The following LINGO2 variants were observed in gnomAD, a reference collection of about 807,000 sequenced individuals.
The protein encoded by LINGO2 is leucine-rich repeat and immunoglobulin-like domain-containing nogo receptor-interacting protein 2.
In LINGO2, 14 loss-of-function variants were observed where a neutral mutation model predicts 30.6. The observed-to-expected ratio is 0.46, with a 90% confidence interval of 0.30 to 0.72. The LOEUF is 0.72. LINGO2 is among the 30% of genes least tolerant of loss of function. The pLI, the probability that LINGO2 is intolerant of heterozygous loss-of-function variation, is 0.07. For missense variants in LINGO2, 729 were observed against 751.7 expected, an observed-to-expected ratio of 0.97 and a Z score of 0.35; for synonymous variants, 317 against 288.5, an observed-to-expected ratio of 1.10 and a Z score of -1.00.
intron 2 of LINGO2, among the ~76,000 whole-genome samples, chr9:28,423,401 C>T (rs74643273): frequency 0.017 from 2,549 of 152,108 alleles, 25 homozygotes; most frequent in Non-Finnish European, 0.027. Flanking sequence ...AGTTAATCAT[C>T]AATAACCTAA....
chr9:29,036,706 C>CT, the LINGO2 span, among the ~76,000 whole-genome samples: 6 of 151,870 alleles, frequency 4.0e-5, no homozygotes, highest in Non-Finnish European at 7.4e-5. Flanking sequence ...AAAAATATGC[C>CT]TTTTTATTTA....
At chr9:28,785,569 T>C in the LINGO2 span, among the ~76,000 whole-genome samples, 3 of 152,164 alleles carry the variant, frequency 2.0e-5, no homozygotes, top group African/African-American at 7.2e-5. Flanking sequence ...TTTACTGCGA[T>C]ATTTGCAGCC....
the LINGO2 span, among the ~76,000 whole-genome samples, chr9:28,688,199 C>A: frequency 6.6e-6 from 1 of 152,124 alleles, no homozygotes; most frequent in Non-Finnish European, 1.5e-5. Flanking sequence ...GGGTATATCA[C>A]AATGACCCCA....
At chr9:28,995,334 C>G in the LINGO2 span, among the ~76,000 whole-genome samples, 1 of 152,168 alleles carries the variant, frequency 6.6e-6, no homozygotes, top group Non-Finnish European at 1.5e-5. Flanking sequence ...CATCTCACAC[C>G]AGTTACAATG....
intron 3 of LINGO2, among the ~76,000 whole-genome samples, chr9:28,320,947 C>A (rs557146374): frequency 6.6e-6 from 1 of 152,284 alleles, no homozygotes; most frequent in Non-Finnish European, 1.5e-5. Context: ...GTCTGATTGA[C>A]AGCATCAGTA....
intron 4 of LINGO2, among the ~76,000 whole-genome samples, chr9:28,252,751 AT>A (rs1192763515): frequency 5.3e-5 from 8 of 152,118 alleles, no homozygotes; most frequent in Non-Finnish European, 8.8e-5. Flanking sequence ...CTTTATACCA[AT>A]AAGGAAATTA....
intron 3 of LINGO2, among the ~76,000 whole-genome samples, chr9:28,347,679 T>G (rs1338170559): frequency 6.6e-6 from 1 of 152,194 alleles, no homozygotes; most frequent in Non-Finnish European, 1.5e-5. Flanking sequence ...AATCTTAATC[T>G]CCAGACTCCA....
the LINGO2 span, among the ~76,000 whole-genome samples, chr9:28,949,343 A>C: frequency 6.6e-6 from 1 of 152,272 alleles, no homozygotes. Flanking sequence ...AGATTAACAA[A>C]ATAGATAGAA....
intron 1 of LINGO2, among the ~76,000 whole-genome samples, chr9:28,634,806 A>G (rs1431103938): frequency 1.3e-5 from 2 of 152,172 alleles, no homozygotes. Context: ...CAACCAAAGT[A>G]ACATGGGAGG....
chr9:27,975,574 T>C (rs928222120), intron 5 of LINGO2, among the ~76,000 whole-genome samples: 1 of 152,126 alleles, frequency 6.6e-6, no homozygotes, highest in African/African-American at 2.4e-5. Context: ...CACACACAAG[T>C]ACCTGGACCC....
At chr9:28,763,655 G>C in the LINGO2 span, among the ~76,000 whole-genome samples, 2 of 151,454 alleles carry the variant, frequency 1.3e-5, no homozygotes, top group Admixed American at 6.6e-5. Flanking sequence ...TAAACTCAAA[G>C]TTAGCAAAAG....
the LINGO2 span, among the ~76,000 whole-genome samples, chr9:28,731,372 G>T: frequency 1.3e-5 from 2 of 152,104 alleles, no homozygotes; most frequent in African/African-American, 4.8e-5. Context: ...CAATAAAATG[G>T]AAGTAACTAT....
the LINGO2 span, among the ~76,000 whole-genome samples, chr9:29,213,203 A>G: frequency 6.6e-6 from 1 of 151,704 alleles, no homozygotes; most frequent in South Asian, 2.1e-4. Flanking sequence ...TTCTTCCGTA[A>G]CCCCACAGAC....
chr9:29,157,634 A>G, the LINGO2 span, among the ~76,000 whole-genome samples: 1 of 152,218 alleles, frequency 6.6e-6, no homozygotes. Context: ...ATATAAGTGG[A>G]CAAGTAAGTA....
the LINGO2 span, among the ~76,000 whole-genome samples, chr9:29,187,106 C>A: frequency 6.6e-6 from 1 of 152,080 alleles, no homozygotes. Context: ...AAATCTGAAC[C>A]AAGATTTCTG....
chr9:28,032,915 A>G (rs1823752787), intron 4 of LINGO2, among the ~76,000 whole-genome samples: 1 of 152,194 alleles, frequency 6.6e-6, no homozygotes, highest in African/African-American at 2.4e-5. Flanking sequence ...TTTGTCTGAG[A>G]AAGATTTGTG....
At chr9:28,719,143 AG>A in the LINGO2 span, among the ~76,000 whole-genome samples, 1 of 151,956 alleles carries the variant, frequency 6.6e-6, no homozygotes, top group Admixed American at 6.6e-5. Context: ...ACTGTCATGA[AG>A]GAGTAGAGTC....
At chr9:28,971,468 C>T in the LINGO2 span, among the ~76,000 whole-genome samples, 2 of 152,166 alleles carry the variant, frequency 1.3e-5, no homozygotes, top group Non-Finnish European at 2.9e-5. Flanking sequence ...CTTGAGAGCC[C>T]TTGGGCCTTA....
intron 1 of LINGO2, among the ~76,000 whole-genome samples, chr9:28,661,347 G>C (rs1430913234): frequency 6.6e-6 from 1 of 152,130 alleles, no homozygotes; most frequent in Non-Finnish European, 1.5e-5. Flanking sequence ...TCCTGGAGTA[G>C]CCAGCCTTGG....
Sources: allele counts gnomAD v4.1 joint callset (sites outside exome capture counted in the v4.1 genomes callset), GRCh38; gene constraint gnomAD v4.1.1; transcripts MANE v1.5; gene names NCBI Gene and HGNC (gene_info 2026-07-23, HGNC 2026-07-21).